ABTB2: variants seen among roughly 807,000 people sequenced by gnomAD.
ABTB2 encodes the protein ankyrin repeat and BTB domain containing 2.
A neutral mutation model predicts 104.1 loss-of-function variants in ABTB2; 56 were observed. The ratio of observed to expected loss-of-function variants is 0.54; its 90% CI spans 0.43 to 0.67. The LOEUF (loss-of-function observed/expected upper bound fraction) is 0.67. Among genes scored for constraint, ABTB2 ranks in the 30% least tolerant of loss-of-function variants. The pLI, the probability that ABTB2 is intolerant of heterozygous loss-of-function variation, is 0.00. For missense variants in ABTB2, 1,279 were observed against 1,407.7 expected, an observed-to-expected ratio of 0.91 and a Z score of 1.46; for synonymous variants, 606 against 608.2, an observed-to-expected ratio of 1.00 and a Z score of 0.05.
intron 1 of ABTB2, among the ~76,000 whole-genome samples, chr11:34,234,642 C>A (rs896426188): frequency 6.6e-6 from 1 of 152,128 alleles, no homozygotes; most frequent in Non-Finnish European, 1.5e-5. Flanking sequence ...GTGCTTTGTG[C>A]GGAATCTTTT....
At chr11:34,220,209 A>T (rs961722123) in intron 1 of ABTB2, among the ~76,000 whole-genome samples, 1 of 152,236 alleles carries the variant, frequency 6.6e-6, no homozygotes, top group African/African-American at 2.4e-5. Context: ...CCTGCAAAGA[A>T]GTAAGAAAAC....
At chr11:34,225,250 AG>A (rs1393128405) in intron 1 of ABTB2, among the ~76,000 whole-genome samples, 1 of 152,234 alleles carries the variant, frequency 6.6e-6, no homozygotes, top group Non-Finnish European at 1.5e-5. Flanking sequence ...AAGGGGAAAG[AG>A]TGGGCTTGTC....
chr11:34,253,596 A>G lies in ABTB2; in HGVS notation c.884-48906T>C, dbSNP rs532194878. Among the ~76,000 whole-genome samples, 3 of 150,104 alleles carry G rather than the reference A, an allele frequency of 2.0e-5. No homozygotes were observed. In the South Asian group the frequency reaches 6.4e-4, roughly 32 times the overall value. On this transcript the variant is annotated intron_variant, in intron 1 of 16. Transcript: ENST00000435224. The stretch of plus-strand genomic sequence containing the variant: ...GAGGCTGAGGCAGGAGAATCCCTTG[A>G]CCCCGGGAGGCGGAGGTTGCAGTGA...
chr11:34,185,952 T>G (rs1014508630), intron 3 of ABTB2, among the ~76,000 whole-genome samples: 3 of 152,236 alleles, frequency 2.0e-5, no homozygotes, highest in African/African-American at 7.2e-5. Context: ...CATATACAGT[T>G]ATTATGTGTC....
chr11:34,281,498 C>T (rs983634098), intron 1 of ABTB2, among the ~76,000 whole-genome samples: 4 of 152,224 alleles, frequency 2.6e-5, no homozygotes, highest in African/African-American at 9.7e-5. Context: ...TTTGTCTAGA[C>T]AATCCTGTAA....
At chr11:34,242,400 C>T (rs1043768567) in intron 1 of ABTB2, 1 of 152,290 alleles carries the variant, frequency 6.6e-6, no homozygotes, top group Non-Finnish European at 1.5e-5. Flanking sequence ...GAGATAGTGG[C>T]TGAAGGGAGC....
intron 1 of ABTB2, among the ~76,000 whole-genome samples, chr11:34,234,194 T>C (rs1051760607): frequency 6.6e-6 from 1 of 152,102 alleles, no homozygotes; most frequent in Non-Finnish European, 1.5e-5. Context: ...AGCGTCTCCC[T>C]GGAGGAGGTG....
At chr11:34,324,662 C>T (rs570597679) in intron 1 of ABTB2, among the ~76,000 whole-genome samples, 3 of 152,336 alleles carry the variant, frequency 2.0e-5, no homozygotes, top group African/African-American at 7.2e-5. Context: ...TATTAAATAG[C>T]ACAGCCCAGC....
intron 1 of ABTB2, among the ~76,000 whole-genome samples, chr11:34,315,718 G>C (rs546233565): frequency 4.6e-5 from 7 of 152,320 alleles, no homozygotes; most frequent in Admixed American, 3.3e-4. Flanking sequence ...GGTAAGTATA[G>C]TTCTGAAATG....
chr11:34,244,680 G>A (rs1853963624), intron 1 of ABTB2, among the ~76,000 whole-genome samples: 1 of 152,090 alleles, frequency 6.6e-6, no homozygotes, highest in African/African-American at 2.4e-5. Context: ...TGGGCACTTT[G>A]CTTAACTGCT....
chr11:34,238,974 T>C (rs950316467), intron 1 of ABTB2, among the ~76,000 whole-genome samples: 2 of 152,144 alleles, frequency 1.3e-5, no homozygotes, highest in African/African-American at 2.4e-5. Flanking sequence ...AGGATGGTCT[T>C]GATCTCCTAA....
chr11:34,312,150 A>G (rs1455945697), intron 1 of ABTB2, among the ~76,000 whole-genome samples: 2 of 151,764 alleles, frequency 1.3e-5, no homozygotes, highest in Non-Finnish European at 2.9e-5. Flanking sequence ...CAAAAAAAAA[A>G]AAAAAGAAAA....
intron 1 of ABTB2, among the ~76,000 whole-genome samples, chr11:34,342,172 CA>C (rs1362286678): frequency 2.6e-5 from 4 of 152,218 alleles, no homozygotes; most frequent in Admixed American, 2.6e-4. Flanking sequence ...CACAACCTTT[CA>C]GAGGCAATTT....
intron 1 of ABTB2, among the ~76,000 whole-genome samples, chr11:34,354,876 G>A (rs1385345853): frequency 6.6e-6 from 1 of 152,062 alleles, no homozygotes; most frequent in Non-Finnish European, 1.5e-5. Context: ...CCTCCTCTCA[G>A]CCAAAAGTAC....
At chr11:34,163,274 A>G (rs969654296) in intron 9 of ABTB2, among the ~76,000 whole-genome samples, 1 of 152,194 alleles carries the variant, frequency 6.6e-6, no homozygotes, top group African/African-American at 2.4e-5. Context: ...AAAGTGTCTA[A>G]AACACAGGAA....
At chr11:34,206,339 C>G (rs907478123) in intron 1 of ABTB2, among the ~76,000 whole-genome samples, 1 of 152,074 alleles carries the variant, frequency 6.6e-6, no homozygotes, top group Non-Finnish European at 1.5e-5. Context: ...GCTGAGATCA[C>G]GCCACTGTAC....
At chr11:34,238,785 A>C (rs1044550620) in intron 1 of ABTB2, among the ~76,000 whole-genome samples, 1 of 151,642 alleles carries the variant, frequency 6.6e-6, no homozygotes, top group South Asian at 2.1e-4. Flanking sequence ...TCGGAGTCTC[A>C]CTCTGTCGCC....
In ABTB2 at chr11:34,152,328, G is replaced by C; in HGVS notation, c.*59C>G. On this transcript the variant is annotated 3_prime_UTR_variant, in exon 17 of 17. Transcript: ENST00000435224. Reference sequence around the variant, plus strand: ...CCAAGAGGGCCTACAACCATACCCCGACATGGTGGGCCCTGGCACCTCCAC... The same window carrying C: ...CCAAGAGGGCCTACAACCATACCCCCACATGGTGGGCCCTGGCACCTCCAC... 6.6e-7 allele frequency: 1 copy of C among 1,511,252 alleles called. No homozygotes were observed. Among genetic ancestry groups the C allele is most frequent in the Non-Finnish European group, 8.9e-7 (1 of 1,125,372 alleles). 93.6% of individuals were successfully genotyped at this position (1,511,252 alleles called of 1,614,324 possible).
chr11:34,348,200 T>C (rs1402609565), intron 1 of ABTB2, among the ~76,000 whole-genome samples: 1 of 152,176 alleles, frequency 6.6e-6, no homozygotes, highest in East Asian at 1.9e-4. Flanking sequence ...GGGTGCATTT[T>C]TGAGGTCAAG....
Sources: allele counts gnomAD v4.1 joint callset (sites outside exome capture counted in the v4.1 genomes callset), GRCh38; gene constraint gnomAD v4.1.1; transcripts MANE v1.5; gene names NCBI Gene and HGNC (gene_info 2026-07-23, HGNC 2026-07-21).